GLRA2: variants seen among roughly 807,000 people sequenced by gnomAD.
The protein encoded by GLRA2 is glycine receptor subunit alpha-2.
In GLRA2, 11 loss-of-function variants were observed where a neutral mutation model predicts 31.6. The ratio of observed to expected loss-of-function variants is 0.35; its 90% CI spans 0.22 to 0.58. The LOEUF is 0.58. GLRA2 is among the 20% of genes least tolerant of loss of function. The pLI, the probability that GLRA2 is intolerant of heterozygous loss-of-function variation, is 0.84. For synonymous variants in GLRA2, 132 were observed against 134.0 expected, an observed-to-expected ratio of 0.99 and a Z score of 0.10; for missense variants, 212 against 351.8, an observed-to-expected ratio of 0.60 and a Z score of 3.18.
At chrX:14,496,176 T>G in the GLRA2 span, among the ~76,000 whole-genome samples, 2 of 111,401 alleles carry the variant, frequency 1.8e-5, no homozygotes, top group Non-Finnish European at 3.8e-5. Context: ...GTGTGTTGGC[T>G]CAGATGAGCC....
intron 7 of GLRA2, among the ~76,000 whole-genome samples, chrX:14,657,946 A>G (rs2090956016): frequency 9.0e-6 from 1 of 111,517 alleles, no homozygotes; most frequent in Non-Finnish European, 1.9e-5. Context: ...TAATTACCTT[A>G]TATGTATTAT....
intron 2 of GLRA2, among the ~76,000 whole-genome samples, chrX:14,553,460 A>ATT (rs2089595972): frequency 9.0e-6 from 1 of 111,326 alleles, no homozygotes; most frequent in Admixed American, 9.6e-5. Context: ...CACTATTGTT[A>ATT]TTATCACATG....
At chrX:14,466,689 TG>T in the GLRA2 span, among the ~76,000 whole-genome samples, 2 of 112,036 alleles carry the variant, frequency 1.8e-5, no homozygotes, top group Non-Finnish European at 1.9e-5. Flanking sequence ...AAATCAATAA[TG>T]GCCTTATCAA....
intron 7 of GLRA2, among the ~76,000 whole-genome samples, chrX:14,627,368 A>G (rs940284328): frequency 3.6e-5 from 4 of 111,462 alleles, no homozygotes; most frequent in Non-Finnish European, 7.6e-5. Context: ...AAACTTTACA[A>G]CTAATAAGTG....
At chrX:14,470,732 T>C in the GLRA2 span, among the ~76,000 whole-genome samples, 3 of 111,931 alleles carry the variant, frequency 2.7e-5, no homozygotes, top group African/African-American at 6.5e-5. Flanking sequence ...AAACAAGTTA[T>C]TCAAGGAAAA....
chrX:14,528,009 A>C (rs1400247771), upstream of GLRA2, among the ~76,000 whole-genome samples: 1 of 112,471 alleles, frequency 8.9e-6, no homozygotes, highest in Non-Finnish European at 1.9e-5. Flanking sequence ...TTTGTATGTA[A>C]ATAGAATGCT....
chrX:14,525,218 T>A (rs2089183741), upstream of GLRA2, among the ~76,000 whole-genome samples: 2 of 111,648 alleles, frequency 1.8e-5, no homozygotes, highest in Admixed American at 1.9e-4. Flanking sequence ...ATAGGATGGG[T>A]CACAATCTTT....
chrX:14,494,428 T>C, the GLRA2 span, among the ~76,000 whole-genome samples: 1 of 112,173 alleles, frequency 8.9e-6, no homozygotes, highest in Non-Finnish European at 1.9e-5. Flanking sequence ...ATTGTAACCA[T>C]TGAACTGGTG....
the GLRA2 span, among the ~76,000 whole-genome samples, chrX:14,474,178 CTTATCA>C: frequency 9.0e-6 from 1 of 111,709 alleles, no homozygotes; most frequent in Non-Finnish European, 1.9e-5. Flanking sequence ...TAGGTCTGAT[CTTATCA>C]TTAGACCATC....
intron 4 of GLRA2, among the ~76,000 whole-genome samples, chrX:14,602,158 T>C (rs1297663462): frequency 9.0e-6 from 1 of 110,737 alleles, no homozygotes; most frequent in Non-Finnish European, 1.9e-5. Flanking sequence ...TACAGAAAAA[T>C]GGGAGAGCAA....
At chrX:14,580,331 A>G (rs187825389) in intron 3 of GLRA2, among the ~76,000 whole-genome samples, 1 of 112,639 alleles carries the variant, frequency 8.9e-6, no homozygotes, top group East Asian at 2.8e-4. Flanking sequence ...CTCTGAAACC[A>G]CAGACTGGCT....
At chrX:14,474,275 A>C in the GLRA2 span, among the ~76,000 whole-genome samples, 1 of 111,296 alleles carries the variant, frequency 9.0e-6, no homozygotes, top group African/African-American at 3.3e-5. Flanking sequence ...CAACCACTCT[A>C]CCCAGCAGAG....
chrX:14,594,259 C>CT (rs763485161), intron 4 of GLRA2, among the ~76,000 whole-genome samples: 29 of 107,784 alleles, frequency 2.7e-4, no homozygotes, highest in African/African-American at 6.1e-4. Context: ...TCTCTTCCCC[C>CT]TTTTTTTTAA....
At chrX:14,676,409 C>T (rs1456702850) in intron 7 of GLRA2, among the ~76,000 whole-genome samples, 1 of 112,361 alleles carries the variant, frequency 8.9e-6, no homozygotes, top group Non-Finnish European at 1.9e-5. Flanking sequence ...CAAAACAACA[C>T]TTGATCATAG....
intron 2 of GLRA2, among the ~76,000 whole-genome samples, chrX:14,538,146 T>A (rs180677833): frequency 9.1e-6 from 1 of 110,089 alleles, no homozygotes; most frequent in East Asian, 2.9e-4. Flanking sequence ...CATTCCATGG[T>A]GACAGGGTAG....
intron 2 of GLRA2, among the ~76,000 whole-genome samples, chrX:14,562,533 T>C (rs2089746625): frequency 8.9e-6 from 1 of 112,172 alleles, no homozygotes; most frequent in African/African-American, 3.2e-5. Context: ...TTTCTAGGGC[T>C]ACCATAACAA....
chrX:14,507,321 A>G, the GLRA2 span, among the ~76,000 whole-genome samples: 1 of 112,077 alleles, frequency 8.9e-6, no homozygotes, highest in Non-Finnish European at 1.9e-5. Flanking sequence ...AATTACCTAA[A>G]CTCTCTAAAT....
chrX:14,652,966 A>G (rs1375582993), intron 7 of GLRA2, among the ~76,000 whole-genome samples: 2 of 111,566 alleles, frequency 1.8e-5, no homozygotes, highest in Non-Finnish European at 3.8e-5. Context: ...ATACAAAGAA[A>G]AAGTTATTGA....
the GLRA2 span, among the ~76,000 whole-genome samples, chrX:14,497,781 C>T: frequency 9.1e-6 from 1 of 110,412 alleles, no homozygotes; most frequent in African/African-American, 3.3e-5. Context: ...ATACACTTTG[C>T]CCCACCCCCT....
Sources: gnomAD v4.1 joint callset for allele counts (sites outside exome capture counted in the v4.1 genomes callset) on GRCh38, gnomAD v4.1.1 for gene constraint, MANE v1.5 for transcripts, NCBI Gene and HGNC (gene_info 2026-07-23, HGNC 2026-07-21) for gene names.